Variants in RARB observed in about 807,000 individuals in gnomAD.
RARB encodes retinoic acid receptor beta.
Under a neutral mutation model 51.9 loss-of-function variants are expected in RARB, and 17 were observed. The ratio of observed to expected loss-of-function variants is 0.33; its 90% confidence interval spans 0.22 to 0.49. RARB has a LOEUF of 0.49. RARB is among the 20% of genes least tolerant of loss of function. The pLI, the probability that RARB is intolerant of heterozygous loss-of-function variation, is 0.99. For missense variants in RARB, 369 were observed against 550.8 expected, an observed-to-expected ratio of 0.67 and a Z score of 3.30; for synonymous variants, 215 against 195.4, an observed-to-expected ratio of 1.10 and a Z score of -0.84.
chr3:24,907,955 TC>T (rs1393150820), intron 2 of RARB, among the ~76,000 whole-genome samples: 3 of 152,074 alleles, frequency 2.0e-5, no homozygotes, highest in Non-Finnish European at 2.9e-5. Flanking sequence ...TTGGAAATGT[TC>T]CCCCTGCAAT....
chr3:25,118,799 C>A (rs1287332204), intron 3 of RARB, among the ~76,000 whole-genome samples: 2 of 152,060 alleles, frequency 1.3e-5, no homozygotes, highest in African/African-American at 4.8e-5. Context: ...CCCAGAAAGT[C>A]ATTTTAGGTC....
chr3:25,222,357 C>G (rs1197801611), intron 5 of RARB, among the ~76,000 whole-genome samples: 1 of 152,146 alleles, frequency 6.6e-6, no homozygotes, highest in Non-Finnish European at 1.5e-5. Flanking sequence ...GATGTTCTTA[C>G]TCGTCCAAGG....
intron 5 of RARB, among the ~76,000 whole-genome samples, chr3:25,423,059 G>A (rs1333302617): frequency 6.6e-6 from 1 of 152,194 alleles, no homozygotes; most frequent in Non-Finnish European, 1.5e-5. Flanking sequence ...TGTATAGCCT[G>A]CAAAGCCTAA....
At chr3:24,837,541 G>T (rs1169925329) in intron 1 of RARB, among the ~76,000 whole-genome samples, 1 of 152,162 alleles carries the variant, frequency 6.6e-6, no homozygotes, top group Admixed American at 6.5e-5. Flanking sequence ...CTTCACATAT[G>T]AATATATTCA....
At chr3:25,174,607 C>G in intron 5 of RARB, 1 of 1,349,872 alleles carries the variant, frequency 7.4e-7, no homozygotes, top group Non-Finnish European at 9.8e-7. Flanking sequence ...TCTCTTTTCT[C>G]TGGGTTGATT....
At chr3:24,935,552 A>G (rs1368091468) in intron 2 of RARB, among the ~76,000 whole-genome samples, 1 of 152,150 alleles carries the variant, frequency 6.6e-6, no homozygotes, top group African/African-American at 2.4e-5. Context: ...TGTTGTGTTA[A>G]TGTTCTGAAA....
rs1697494905 is a variant in RARB, at chr3:25,015,762, A to G, written c.-379-44363A>G. On this transcript the variant is annotated intron_variant, in intron 2 of 11. Coordinates refer to the RARB transcript ENST00000383772. ...GAAGTAGATTTAGTGCTTTTAGACT[A>G]TATGCATGTGAATATGAACTGCCAA... Among the ~76,000 whole-genome samples, 3 of 152,158 alleles carry G rather than the reference A, an allele frequency of 2.0e-5. No individual in the cohort carries two copies. In the South Asian group the frequency reaches 6.2e-4, roughly 31 times the overall value.
At chr3:25,065,199 T>C (rs1188736642) in intron 3 of RARB, among the ~76,000 whole-genome samples, 5 of 152,180 alleles carry the variant, frequency 3.3e-5, no homozygotes, top group Non-Finnish European at 7.3e-5. Flanking sequence ...ATTTTAGTTA[T>C]TAAAACTCCT....
chr3:25,081,621 A>ATTTATT (rs1699004293), intron 3 of RARB, among the ~76,000 whole-genome samples: 1 of 5,804 alleles, frequency 1.7e-4, no homozygotes, highest in Non-Finnish European at 3.1e-4. Context: ...ATATATATAT[A>ATTTATT]TTTTTTTTTT....
chr3:25,157,030 C>G (rs1202828758), intron 4 of RARB, among the ~76,000 whole-genome samples: 1 of 152,126 alleles, frequency 6.6e-6, no homozygotes, highest in Non-Finnish European at 1.5e-5. Context: ...CTTAATAAAT[C>G]TCCTAAATTG....
At chr3:24,950,068 A>C (rs1199349500) in intron 2 of RARB, among the ~76,000 whole-genome samples, 1 of 152,214 alleles carries the variant, frequency 6.6e-6, no homozygotes, top group Non-Finnish European at 1.5e-5. Flanking sequence ...ACCTTGTAAA[A>C]TTCATATTGT....
intron 5 of RARB, among the ~76,000 whole-genome samples, chr3:25,319,241 C>G (rs1704500842): frequency 6.6e-6 from 1 of 152,152 alleles, no homozygotes; most frequent in South Asian, 2.1e-4. Context: ...CCTGGTGATT[C>G]TGAGATCCTG....
chr3:25,054,299 G>A (rs1054108023), intron 2 of RARB, among the ~76,000 whole-genome samples: 3 of 152,144 alleles, frequency 2.0e-5, no homozygotes, highest in Non-Finnish European at 2.9e-5. Context: ...TAGATGAATG[G>A]CTTGTTATTC....
At position 25,242,028 on chromosome 3, in the gene RARB, A is replaced by C. The variant is rs1575248704; in HGVS notation, c.178+67453A>C. Among the ~76,000 whole-genome samples the C allele has an allele frequency of 2.0e-5, 3 of 152,214 alleles. No individual in the cohort carries two copies. The East Asian group carries it at 5.8e-4, about 29-fold the overall frequency. ...TTTAACTGGCGTGAGATGGTATCTC[A>C]TTGTGGTTTTGATTTGCATTTCTCT... On this transcript the variant is annotated intron_variant, in intron 5 of 11. Coordinates refer to the RARB transcript ENST00000383772.
intron 3 of RARB, among the ~76,000 whole-genome samples, chr3:25,083,731 G>A (rs747302809): frequency 6.6e-5 from 10 of 151,932 alleles, no homozygotes; most frequent in South Asian, 2.1e-4. Context: ...TATGTTGTTG[G>A]GACTCTGGGT....
chr3:24,952,498 G>A (rs556926767), intron 2 of RARB, among the ~76,000 whole-genome samples: 5 of 151,902 alleles, frequency 3.3e-5, no homozygotes, highest in African/African-American at 9.7e-5. Flanking sequence ...CCTGCACTCC[G>A]GCGCTAACTG....
At chr3:24,963,696 G>A (rs919877671) in intron 2 of RARB, among the ~76,000 whole-genome samples, 7 of 151,878 alleles carry the variant, frequency 4.6e-5, no homozygotes, top group Non-Finnish European at 8.8e-5. Flanking sequence ...ACAAGGCAGT[G>A]TGGGCCGAGC....
chr3:25,051,715 C>G (rs1698336801), intron 2 of RARB, among the ~76,000 whole-genome samples: 1 of 151,886 alleles, frequency 6.6e-6, no homozygotes, highest in African/African-American at 2.4e-5. Flanking sequence ...AGCATATAAA[C>G]AAAATAATGC....
At chr3:24,855,234 A>C (rs1575037286) in intron 1 of RARB, among the ~76,000 whole-genome samples, 1 of 152,220 alleles carries the variant, frequency 6.6e-6, no homozygotes, top group East Asian at 1.9e-4. Context: ...GAGACAGAAG[A>C]AAGTGAAGCA....
Sources: allele counts gnomAD v4.1 joint callset (sites outside exome capture counted in the v4.1 genomes callset), GRCh38; gene constraint gnomAD v4.1.1; transcripts MANE v1.5; gene names NCBI Gene and HGNC (gene_info 2026-07-23, HGNC 2026-07-21).